FBLN2: variants seen among roughly 807,000 people sequenced by gnomAD.
FBLN2 encodes fibulin-2.
In FBLN2, 81 loss-of-function variants were observed where a neutral mutation model predicts 123.7. The ratio of observed to expected loss-of-function variants is 0.65; its 90% CI spans 0.55 to 0.79. The LOEUF (loss-of-function observed/expected upper bound fraction) is 0.79, where lower values mean the gene tolerates loss of function less well. Among genes scored for constraint, FBLN2 ranks in the 30% least tolerant of loss-of-function variants. The pLI is 0.00. For missense variants in FBLN2, 1,603 were observed against 1,681.3 expected, an observed-to-expected ratio of 0.95 and a Z score of 0.81; for synonymous variants, 699 against 701.4, an observed-to-expected ratio of 1.00 and a Z score of 0.05.
At chr3:13,549,300 C>T in intron 1 of FBLN2, 92 bp downstream of exon 1, 1 of 844,978 alleles carries the variant, frequency 1.2e-6, no homozygotes, top group African/African-American at 1.8e-5. Context: ...GCACCGACGG[C>T]TCGGCGGACC....
chr3:13,625,797 G>A (rs184666389), intron 9 of FBLN2, among the ~76,000 whole-genome samples: 1 of 151,090 alleles, frequency 6.6e-6, no homozygotes, highest in East Asian at 2.0e-4. Flanking sequence ...AAATAAATAA[G>A]ACCACTTTCT....
chr3:13,631,990 C>G (rs1453258323), intron 16 of FBLN2, among the ~76,000 whole-genome samples: 1 of 152,032 alleles, frequency 6.6e-6, no homozygotes, highest in Admixed American at 6.5e-5. Flanking sequence ...ATGGGAGGGT[C>G]CCCCACTCCC....
chr3:13,631,961 A>G (rs921789551), intron 16 of FBLN2, among the ~76,000 whole-genome samples: 1 of 152,022 alleles, frequency 6.6e-6, no homozygotes, highest in Admixed American at 6.5e-5. Context: ...AGCTGTGTAG[A>G]GCTGGGAGGG....
chr3:13,556,697 G>A (rs774827223), intron 1 of FBLN2, among the ~76,000 whole-genome samples: 8 of 152,210 alleles, frequency 5.3e-5, no homozygotes, highest in African/African-American at 9.6e-5. Context: ...GGCCCTAGAC[G>A]TTGGGGTTCC....
chr3:13,607,998 C>G lies in FBLN2; in HGVS notation c.1307-64C>G, dbSNP rs1356665374. 2.3e-6 allele frequency: 3 copies of G among 1,327,282 alleles called. No homozygotes were observed. The East Asian group carries it at 7.5e-5, about 33-fold the overall frequency. The allele number at this position is 1,327,282 out of a possible 1,614,324, so 82.2% of individuals were successfully genotyped here. A position where few individuals can be genotyped will look rare whatever the true frequency, so the allele number is the denominator to read the frequency against. ...CCAGTAAAGGAGACCTGGACAGGCC[C>G]CTGCATATCTGCTGGACTTGGTGAC... On this transcript the variant is annotated intron_variant, in intron 2 of 17. Coordinates refer to ENST00000404922, the MANE Select transcript of FBLN2 (RefSeq NM_001004019.2).
intron 2 of FBLN2, among the ~76,000 whole-genome samples, chr3:13,605,186 T>G (rs2124875431): frequency 6.6e-6 from 1 of 152,356 alleles, no homozygotes; most frequent in Non-Finnish European, 1.5e-5. Context: ...GGAATGTCAC[T>G]TTAGACCTCA....
rs1224595113 is a variant in FBLN2 at position 13,583,181 on chromosome 3, G to T, written c.1306+11520G>T. Among the ~76,000 whole-genome samples the T allele has an allele frequency of 2.0e-5, 3 of 152,274 alleles. No homozygotes were observed. The East Asian group carries it at 5.8e-4, about 29-fold the overall frequency. ...AGGGGCACCCTCCTCTACTGAGTCTGCATGCGGGGCCCTCTTTGCCACCCT... is the reference window on the plus strand; with the variant it reads ...AGGGGCACCCTCCTCTACTGAGTCTTCATGCGGGGCCCTCTTTGCCACCCT... On this transcript the variant is annotated intron_variant, in intron 2 of 17. Transcript: ENST00000404922.
intron 1 of FBLN2, among the ~76,000 whole-genome samples, chr3:13,567,001 G>A (rs775849934): frequency 2.6e-5 from 4 of 152,272 alleles, no homozygotes; most frequent in African/African-American, 4.8e-5. Flanking sequence ...TGTGGAAAAT[G>A]CAGAGTCAGG....
intron 1 of FBLN2, among the ~76,000 whole-genome samples, chr3:13,555,051 C>T (rs1223222939): frequency 6.6e-6 from 1 of 151,172 alleles, no homozygotes; most frequent in East Asian, 1.9e-4. Context: ...CTCCCAGGTT[C>T]CAGTGATTTT....
chr3:13,555,733 C>T (rs1377019332), intron 1 of FBLN2, among the ~76,000 whole-genome samples: 4 of 152,208 alleles, frequency 2.6e-5, no homozygotes, highest in Non-Finnish European at 4.4e-5. Flanking sequence ...GGATTACAGG[C>T]GTGAGCCACT....
intron 2 of FBLN2, among the ~76,000 whole-genome samples, chr3:13,604,654 G>A (rs1197844206): frequency 6.6e-6 from 1 of 152,166 alleles, no homozygotes; most frequent in Non-Finnish European, 1.5e-5. Context: ...CATTATTTTT[G>A]TAATATTTAA....
chr3:13,587,029 T>TA (rs1303864728), intron 2 of FBLN2, among the ~76,000 whole-genome samples: 1 of 150,280 alleles, frequency 6.7e-6, no homozygotes, highest in African/African-American at 2.4e-5. Context: ...GCTGTAATCC[T>TA]AGCTACTCAG....
At chr3:13,620,322 A>G (rs1027206795) in intron 8 of FBLN2, among the ~76,000 whole-genome samples, 6 of 152,140 alleles carry the variant, frequency 3.9e-5, no homozygotes, top group African/African-American at 1.4e-4. Flanking sequence ...CTGTGCAGCC[A>G]TGTCCAGGCC....
chr3:13,571,800 TTGGTTTGGGCAGGA>T, intron 2 of FBLN2, 139 bp downstream of exon 2: 1 of 929,270 alleles, frequency 1.1e-6, no homozygotes, highest in Non-Finnish European at 1.6e-6. Flanking sequence ...CCCCAGGCCC[TTGGTTTGGGCAGGA>T]GGCTGTGAGA....
rs565676730 is a variant in FBLN2 at position 13,619,244 on chromosome 3, C to G, written c.2053+227C>G. ...ACAGCCTAGGGCCTGGTGTGTGACC[C>G]CAAACCAGCCAGTTAGCTGCTTTTT... On this transcript the variant is annotated intron_variant, in intron 7 of 17. Transcript: ENST00000404922. Among the ~76,000 whole-genome samples, 3 of 152,222 alleles carry G rather than the reference C, an allele frequency of 2.0e-5. No individual in the cohort carries two copies. In the East Asian group the frequency reaches 5.8e-4, roughly 29 times the overall value.
rs1335006918 is a variant in FBLN2 at position 13,628,931 on chromosome 3, G to A, written c.2596G>A (p.Glu866Lys). ...CATCAACGAGTGCACGTCACTGTCC[G>A]AGCCATGTCGGCCAGGCTTCAGCTG... ...VDINECTSLS[E>K]PCRPGFSCIN... The change falls in exon 12 of 18, where the codon GAG becomes AAG. Residue 866 changes from glutamate (E) to lysine (K), a missense_variant. Transcript: ENST00000404922. 17 of 1,613,318 alleles carry A rather than the reference G, an allele frequency of 1.1e-5. No homozygotes were observed. The highest frequency in any genetic ancestry group is 1.3e-5 in the African/African-American group (1 of 74,910).
At chr3:13,612,908 T>C (rs1306097172) in intron 4 of FBLN2, among the ~76,000 whole-genome samples, 1 of 152,178 alleles carries the variant, frequency 6.6e-6, no homozygotes. Context: ...GCTGGCTTAA[T>C]GCATGAATTT....
At chr3:13,635,486 G>C (rs1706428767) in intron 16 of FBLN2, among the ~76,000 whole-genome samples, 2 of 152,210 alleles carry the variant, frequency 1.3e-5, no homozygotes, top group African/African-American at 4.8e-5. Context: ...ATATGTGTAT[G>C]TTTCTTTGTC....
chr3:13,629,277 G>C lies in FBLN2; in HGVS notation c.2827G>C (p.Gly943Arg). The C allele has an allele frequency of 6.2e-7, 1 of 1,609,718 alleles. No homozygotes were observed. The highest frequency in any genetic ancestry group is 8.5e-7 in the Non-Finnish European group (1 of 1,178,832). ...AGCCGGCTTTCAGCGGGATGCCTTT[G>C]GCCGGGGCTGCATCGGTAGGTAGGC... Reference protein sequence around the residue: ...CKAGFQRDAFGRGCIDVNECW... With the variant: ...CKAGFQRDAFRRGCIDVNECW... Residue 943 changes from glycine (G) to arginine (R), a missense_variant, in exon 13 of 18, where the codon GGC (glycine) becomes CGC (arginine). Transcript: ENST00000404922.
Sources: gnomAD v4.1 joint callset for allele counts (sites outside exome capture counted in the v4.1 genomes callset) on GRCh38, gnomAD v4.1.1 for gene constraint, MANE v1.5 for transcripts, NCBI Gene and HGNC (gene_info 2026-07-23, HGNC 2026-07-21) for gene names.